The following ZHX1 variants were observed in gnomAD, a reference collection of about 807,000 sequenced individuals.
ZHX1 encodes zinc fingers and homeoboxes 1, also known as zinc fingers and homeoboxes protein 1.
A neutral mutation model predicts 61.8 loss-of-function variants in ZHX1; 20 were observed. The observed-to-expected ratio is 0.32, with a 90% CI of 0.23 to 0.47. The LOEUF (loss-of-function observed/expected upper bound fraction) is 0.47. ZHX1 is among the 20% of genes least tolerant of loss of function. ZHX1 has a pLI of 1.00. For missense variants in ZHX1, 800 were observed against 1,034.8 expected, an observed-to-expected ratio of 0.77 and a Z score of 3.11; for synonymous variants, 318 against 352.6, an observed-to-expected ratio of 0.90 and a Z score of 1.10.
chr8:123,274,653 T>C (rs1446220267), upstream of ZHX1, among the ~76,000 whole-genome samples: 6 of 147,064 alleles, frequency 4.1e-5, no homozygotes, highest in South Asian at 2.1e-4. Flanking sequence ...CTGCGGAAGC[T>C]CCGCCCCCTG....
intron 2 of ZHX1, chr8:123,256,992 C>T (rs1425830732): frequency 6.6e-6 from 1 of 152,090 alleles, no homozygotes; most frequent in African/African-American, 2.4e-5. Context: ...AATCTTGGCT[C>T]ACTGTGACCT....
rs1431480585 is a variant in ZHX1 at position 123,256,002 on chromosome 8, T to C, written c.-56A>G. ...ATTAAAAAGCATCGAGGCTTAAAAC[T>C]GTTCAGTGTTCTTCATTTGAAAACA... On this transcript the variant is annotated 5_prime_UTR_variant, in exon 3 of 4. Coordinates refer to ENST00000395571, the MANE Select transcript of ZHX1 (RefSeq NM_007222.5). The C allele has an allele frequency of 6.8e-7, 1 of 1,471,186 alleles. No individual in the cohort carries two copies. The highest frequency in any genetic ancestry group is 9.1e-7 in the Non-Finnish European group (1 of 1,097,162). The allele number at this position is 1,471,186 out of a possible 1,614,324, so 91.1% of individuals were successfully genotyped here.
chr8:123,254,422 T>A lies in ZHX1; in HGVS notation c.1525A>T (p.Lys509Ter). 1 of 1,614,208 alleles carries A rather than the reference T, an allele frequency of 6.2e-7. No homozygotes were observed. Among genetic ancestry groups the A allele is most frequent in the Non-Finnish European group, 8.5e-7 (1 of 1,180,016 alleles). ...KITGLTKGEI[K>*]KWFSDTRYNQ... ...TACCTTGTGTCACTAAACCATTTTT[T>A]AATCTCTCCTTTCGTCAGGCCTGTT... Residue 509 changes from lysine (K) to a stop codon, truncating the protein, a stop_gained, in exon 3 of 4, where the codon AAA (lysine) becomes TAA (stop). Transcript: ENST00000395571. LOFTEE classifies it high-confidence loss of function. The surrounding 1 kb of genome is among the most constrained non-coding windows in gnomAD (Gnocchi z 4.1).
At chr8:123,257,733 C>T (rs901492322) in intron 2 of ZHX1, among the ~76,000 whole-genome samples, 44 of 152,302 alleles carry the variant, frequency 2.9e-4, no homozygotes, top group African/African-American at 9.4e-4. Flanking sequence ...TGCTGCTGCT[C>T]ATCTAACAGA....
chr8:123,253,672 G>A lies in ZHX1; in HGVS notation c.2275C>T (p.Arg759Trp), dbSNP rs137887004. ...TTAATTCTTTTGCTTCCTCTAGGCC[G>A]CCCACGCGGTCTTCCTCTTCCCCGT... Reference protein sequence around the residue: ...KGRGRGRPRGRPRGSKRINNW... With the variant: ...KGRGRGRPRGWPRGSKRINNW... Residue 759 changes from arginine to tryptophan, a missense_variant, in exon 3 of 4, where the codon CGG (arginine) becomes TGG (tryptophan). Arg to Trp is a moderately radical substitution (Grantham distance 101). Coordinates refer to ENST00000395571, the MANE Select transcript of ZHX1 (RefSeq NM_007222.5). The A allele has an allele frequency of 4.3e-6, 7 of 1,614,012 alleles. No individual in the cohort carries two copies. The highest frequency in any genetic ancestry group is 1.6e-4 in the Middle Eastern group (1 of 6,084).
At chr8:123,256,468 A>G (rs1455782466) in intron 2 of ZHX1, among the ~76,000 whole-genome samples, 4 of 152,210 alleles carry the variant, frequency 2.6e-5, no homozygotes, top group African/African-American at 9.6e-5. Context: ...GCACACTATT[A>G]TTAATGTGAA....
intron 3 of ZHX1, chr8:123,252,426 A>G (rs1825944680): frequency 6.6e-6 from 1 of 152,170 alleles, no homozygotes; most frequent in Admixed American, 6.5e-5. Context: ...ACATGCCAAA[A>G]CCTTTCAAAT....
chr8:123,266,643 G>A (rs561071075), intron 2 of ZHX1, among the ~76,000 whole-genome samples: 5 of 151,814 alleles, frequency 3.3e-5, no homozygotes, highest in Middle Eastern at 3.4e-3. Flanking sequence ...TATTTTTTAC[G>A]TCACACAGGT....
At chr8:123,260,872 AT>A (rs1826228047) in intron 2 of ZHX1, among the ~76,000 whole-genome samples, 1 of 151,388 alleles carries the variant, frequency 6.6e-6, no homozygotes, top group African/African-American at 2.4e-5. Flanking sequence ...AAATACAAAA[AT>A]TAGCTGGGCA....
rs1826019480 is a variant in ZHX1, at chr8:123,254,722, C to T, written c.1225G>A (p.Val409Ile). 1 of 1,614,180 alleles carries T rather than the reference C, an allele frequency of 6.2e-7. No individual in the cohort carries two copies. Among genetic ancestry groups the T allele is most frequent in the Non-Finnish European group, 8.5e-7 (1 of 1,180,036 alleles). Reference protein sequence around the residue: ...TQVAGTNTLPVTAPIALTVAG... With the variant: ...TQVAGTNTLPITAPIALTVAG... ...ACTGTCAAGGCTATAGGTGCTGTAA[C>T]TGGCAAGGTGTTTGTTCCAGCCACT... Residue 409 changes from valine (V) to isoleucine (I), a missense_variant, in exon 3 of 4, where the codon GTT (valine) becomes ATT (isoleucine). Val to Ile is a conservative substitution (Grantham distance 29, BLOSUM62 3). Coordinates refer to ENST00000395571, the MANE Select transcript of ZHX1 (RefSeq NM_007222.5). The surrounding 1 kb of genome is among the most constrained non-coding windows in gnomAD (Gnocchi z 4.1).
intron 1 of ZHX1, among the ~76,000 whole-genome samples, 192 bp from the exon 2 acceptor site, chr8:123,267,578 T>TA (rs1423198148): frequency 3.3e-5 from 5 of 152,110 alleles, no homozygotes; most frequent in Non-Finnish European, 5.9e-5. Context: ...AACTACACAT[T>TA]AAAAAAACTC....
At chr8:123,261,811 TCTCA>T (rs763304549) in intron 2 of ZHX1, among the ~76,000 whole-genome samples, 6 of 152,336 alleles carry the variant, frequency 3.9e-5, no homozygotes, top group East Asian at 1.9e-4. Context: ...TTATAAATTC[TCTCA>T]CTTTTTTTTA....
chr8:123,257,271 G>A (rs1345903791), intron 2 of ZHX1: 1 of 152,186 alleles, frequency 6.6e-6, no homozygotes, highest in East Asian at 1.9e-4. Context: ...AAGTTATAAA[G>A]CAGATCTAAT....
chr8:123,265,832 T>C (rs754435674), intron 2 of ZHX1, among the ~76,000 whole-genome samples: 1 of 152,224 alleles, frequency 6.6e-6, no homozygotes, highest in Non-Finnish European at 1.5e-5. Context: ...TAAGAAATTG[T>C]GGTCAAAGAT....
intron 1 of ZHX1, 102 bp from the exon 2 acceptor site, chr8:123,267,488 G>T: frequency 2.5e-6 from 1 of 394,200 alleles, no homozygotes. Context: ...ATGTAATTTT[G>T]AAAAAAAAAG....
At position 123,250,223 on chromosome 8, in the gene ZHX1, C is replaced by A. The variant is rs768624991; in HGVS notation, c.*101G>T. 8.8e-6 allele frequency: 4 copies of A among 453,714 alleles called. No individual in the cohort carries two copies. The highest frequency in any genetic ancestry group is 6.2e-5 in the South Asian group (4 of 64,002). 28.1% of individuals were successfully genotyped at this position (453,714 alleles called of 1,614,324 possible). ...GGATCCTGCTTTTTGAGTGTGTATGCCCCAAAACGTTTTCAATGTCATCAA... is the reference window on the plus strand; with the variant it reads ...GGATCCTGCTTTTTGAGTGTGTATGACCCAAAACGTTTTCAATGTCATCAA... On this transcript the variant is annotated 3_prime_UTR_variant, in exon 4 of 4. Transcript: ENST00000395571.
chr8:123,269,919 T>C (rs926895777), intron 1 of ZHX1, among the ~76,000 whole-genome samples: 1 of 152,210 alleles, frequency 6.6e-6, no homozygotes, highest in Admixed American at 6.5e-5. Flanking sequence ...TATTAAATCA[T>C]GCTGGAACAA....
intron 3 of ZHX1, among the ~76,000 whole-genome samples, chr8:123,250,705 T>G (rs1360701696): frequency 6.6e-6 from 1 of 152,192 alleles, no homozygotes; most frequent in Non-Finnish European, 1.5e-5. Flanking sequence ...TGGGAAGGTT[T>G]TGGTAACTTT....
At chr8:123,260,230 C>T (rs1826204959) in intron 2 of ZHX1, among the ~76,000 whole-genome samples, 1 of 152,082 alleles carries the variant, frequency 6.6e-6, no homozygotes, top group South Asian at 2.1e-4. Context: ...CTAAACTACT[C>T]TCTGACCAAA....
Sources: allele counts gnomAD v4.1 joint callset (sites outside exome capture counted in the v4.1 genomes callset), GRCh38; gene constraint gnomAD v4.1.1; non-coding constraint Gnocchi (gnomAD v3.1); transcripts MANE v1.5; gene names NCBI Gene and HGNC (gene_info 2026-07-23, HGNC 2026-07-21).